VAV3: variants seen among roughly 807,000 people sequenced by gnomAD.
The protein encoded by VAV3 is vav guanine nucleotide exchange factor 3, also known as guanine nucleotide exchange factor VAV3.
Under a neutral mutation model 131.2 loss-of-function variants are expected in VAV3, and 94 were observed. That is an observed-to-expected ratio of 0.72 (90% CI 0.61 to 0.85). The LOEUF (loss-of-function observed/expected upper bound fraction) is 0.85. VAV3 is among the 40% of genes least tolerant of loss of function. The pLI is 0.00. For synonymous variants in VAV3, 349 were observed against 342.0 expected, an observed-to-expected ratio of 1.02 and a Z score of -0.22; for missense variants, 939 against 1,002.7, an observed-to-expected ratio of 0.94 and a Z score of 0.86.
intron 2 of VAV3, among the ~76,000 whole-genome samples, chr1:107,858,166 A>G (rs115698959): frequency 0.013 from 1,958 of 152,280 alleles, 33 homozygotes; most frequent in African/African-American, 0.045. Context: ...ATTTAAACTA[A>G]AGGAGGAAAA....
chr1:107,848,486 GATTATCTCAATAGA>G (rs1669075917), intron 2 of VAV3, among the ~76,000 whole-genome samples: 1 of 152,042 alleles, frequency 6.6e-6, no homozygotes, highest in South Asian at 2.1e-4. Context: ...CCAACCACAT[GATTATCTCAATAGA>G]TGTAGAAAAG....
chr1:107,786,435 T>A (rs758030171), intron 2 of VAV3, among the ~76,000 whole-genome samples: 3 of 152,336 alleles, frequency 2.0e-5, no homozygotes, highest in Admixed American at 6.5e-5. Context: ...GTCAAGATGA[T>A]CAAGGCTCTG....
intron 20 of VAV3, among the ~76,000 whole-genome samples, chr1:107,634,067 A>G (rs1400670767): frequency 1.3e-5 from 2 of 152,214 alleles, no homozygotes; most frequent in Non-Finnish European, 2.9e-5. Context: ...TATAGATTCA[A>G]TGCCATCCCC....
chr1:107,861,252 C>T (rs1669724351), intron 2 of VAV3, among the ~76,000 whole-genome samples: 1 of 151,596 alleles, frequency 6.6e-6, no homozygotes, highest in Non-Finnish European at 1.5e-5. Context: ...TGACCAAATT[C>T]CAAGTAAACA....
At chr1:107,611,475 T>G (rs1376243226) in intron 21 of VAV3, among the ~76,000 whole-genome samples, 1 of 152,098 alleles carries the variant, frequency 6.6e-6, no homozygotes, top group African/African-American at 2.4e-5. Context: ...CACCCTTTGA[T>G]GACAAGATAT....
chr1:107,850,700 T>C (rs142153214), intron 2 of VAV3, among the ~76,000 whole-genome samples: 1,630 of 151,952 alleles, frequency 0.011, 32 homozygotes, highest in African/African-American at 0.038. Flanking sequence ...TGCACATGTA[T>C]CCCAGAACTT....
At chr1:107,811,897 T>C (rs1667333271) in intron 2 of VAV3, among the ~76,000 whole-genome samples, 1 of 147,562 alleles carries the variant, frequency 6.8e-6, no homozygotes, top group Admixed American at 6.9e-5. Flanking sequence ...GATTAAATAA[T>C]ATGGCCTGAG....
chr1:107,884,430 T>TC (rs1670935136), intron 1 of VAV3, among the ~76,000 whole-genome samples: 1 of 147,102 alleles, frequency 6.8e-6, no homozygotes, highest in Admixed American at 6.8e-5. Context: ...ATTATTATTA[T>TC]TATTATTATT....
chr1:107,789,026 G>A (rs1303393175), intron 2 of VAV3, among the ~76,000 whole-genome samples: 1 of 152,196 alleles, frequency 6.6e-6, no homozygotes, highest in Non-Finnish European at 1.5e-5. Context: ...ATCACCAGCT[G>A]ATTGGAAAGC....
chr1:107,749,021 A>G lies in VAV3; in HGVS notation c.1449T>C (p.Tyr483=), dbSNP rs1313407781. The G allele has an allele frequency of 6.2e-7, 1 of 1,612,652 alleles. No homozygotes were observed. The highest frequency in any genetic ancestry group is 8.5e-7 in the Non-Finnish European group (1 of 1,179,374). ...HTQGQNGLEF[Y]CKTKDLKKKW... ...TCTTCTTTAAATCTTTTGTTTTGCAATAAAATTCTAACCCATTTTGTCCTT... is the reference window on the plus strand; with the variant it reads ...TCTTCTTTAAATCTTTTGTTTTGCAGTAAAATTCTAACCCATTTTGTCCTT... The change falls in exon 15 of 27, where the codon TAT becomes TAC. Residue 483 remains tyrosine, a synonymous_variant. Coordinates refer to ENST00000370056, the MANE Select transcript of VAV3 (RefSeq NM_006113.5).
At chr1:107,717,631 A>G (rs1264721423) in intron 15 of VAV3, among the ~76,000 whole-genome samples, 1 of 152,106 alleles carries the variant, frequency 6.6e-6, no homozygotes, top group Non-Finnish European at 1.5e-5. Flanking sequence ...GTTCTTTTAC[A>G]TTTGCTGAGG....
At chr1:107,725,740 C>T (rs185093951) in intron 15 of VAV3, among the ~76,000 whole-genome samples, 25 of 152,098 alleles carry the variant, frequency 1.6e-4, no homozygotes, top group Admixed American at 2.6e-4. Flanking sequence ...CTCAAACTCC[C>T]GACCTCAGGT....
intron 15 of VAV3, among the ~76,000 whole-genome samples, chr1:107,719,589 GA>G (rs1217761356): frequency 1.3e-5 from 2 of 152,178 alleles, no homozygotes; most frequent in Admixed American, 1.3e-4. Context: ...GGAGAAATAG[GA>G]ACACTTTTAC....
chr1:107,785,617 G>A, intron 2 of VAV3: 1 of 1,145,518 alleles, frequency 8.7e-7, no homozygotes, highest in South Asian at 1.9e-5. Context: ...TTGCATCCTG[G>A]TTTCTGAAGG....
chr1:107,648,121 T>C (rs990916353), intron 19 of VAV3, among the ~76,000 whole-genome samples: 1 of 151,962 alleles, frequency 6.6e-6, no homozygotes, highest in Non-Finnish European at 1.5e-5. Context: ...ACACTCCCCA[T>C]CAATAATTTT....
At chr1:107,787,619 C>A (rs1666078024) in intron 2 of VAV3, among the ~76,000 whole-genome samples, 1 of 152,226 alleles carries the variant, frequency 6.6e-6, no homozygotes, top group South Asian at 2.1e-4. Context: ...CCACCCCTCT[C>A]ATCATCACAT....
intron 2 of VAV3, among the ~76,000 whole-genome samples, chr1:107,783,896 A>AG (rs1665839429): frequency 6.6e-6 from 1 of 150,638 alleles, no homozygotes; most frequent in Non-Finnish European, 1.5e-5. Flanking sequence ...AAAATACAAA[A>AG]AAAAAAAAAA....
intron 19 of VAV3, among the ~76,000 whole-genome samples, chr1:107,675,934 G>A (rs1228863936): frequency 6.6e-6 from 1 of 152,178 alleles, no homozygotes; most frequent in Non-Finnish European, 1.5e-5. Flanking sequence ...GGAATCTCCA[G>A]TTCCTATTTT....
At chr1:107,783,565 A>G (rs879921020) in intron 2 of VAV3, among the ~76,000 whole-genome samples, 1 of 152,084 alleles carries the variant, frequency 6.6e-6, no homozygotes, top group Non-Finnish European at 1.5e-5. Flanking sequence ...TCCAAGCAAG[A>G]AGCCCTTGTT....
Sources: allele counts gnomAD v4.1 joint callset (sites outside exome capture counted in the v4.1 genomes callset), GRCh38; gene constraint gnomAD v4.1.1; transcripts MANE v1.5; gene names NCBI Gene and HGNC (gene_info 2026-07-23, HGNC 2026-07-21).